NTNG1: variants seen among roughly 807,000 people sequenced by gnomAD.
NTNG1 encodes netrin G1, also known as netrin-G1.
NTNG1 carries 16 observed loss-of-function variants against 54.0 expected under a neutral mutation model. That is an observed-to-expected ratio of 0.30 (90% CI 0.20 to 0.45). The LOEUF (loss-of-function observed/expected upper bound fraction) is 0.45, where lower values mean the gene tolerates loss of function less well. Ranked by LOEUF, NTNG1 falls within the 20% of genes least tolerant of loss-of-function variation. NTNG1 has a pLI of 1.00. For synonymous variants in NTNG1, 255 were observed against 263.1 expected, an observed-to-expected ratio of 0.97 and a Z score of 0.30; for missense variants, 530 against 678.7, an observed-to-expected ratio of 0.78 and a Z score of 2.43.
At chr1:107,455,081 G>A (rs1206232494) in intron 7 of NTNG1, among the ~76,000 whole-genome samples, 3 of 144,398 alleles carry the variant, frequency 2.1e-5, no homozygotes, top group South Asian at 2.2e-4. Flanking sequence ...TTTTTTTTCT[G>A]AGACTGAGAT....
At chr1:107,433,646 G>T (rs1359529470) in intron 6 of NTNG1, among the ~76,000 whole-genome samples, 1 of 152,180 alleles carries the variant, frequency 6.6e-6, no homozygotes, top group African/African-American at 2.4e-5. Context: ...AGAAAATTGT[G>T]TTTCAAGAAT....
chr1:107,338,238 G>T (rs1668699237), intron 3 of NTNG1, among the ~76,000 whole-genome samples: 1 of 151,980 alleles, frequency 6.6e-6, no homozygotes, highest in African/African-American at 2.4e-5. Flanking sequence ...TGAAAAGTAG[G>T]TTTTAATAAT....
chr1:107,152,815 A>G (rs1451778851), intron 2 of NTNG1, among the ~76,000 whole-genome samples: 3 of 152,220 alleles, frequency 2.0e-5, no homozygotes, highest in Admixed American at 6.5e-5. Flanking sequence ...AAGTAGACTC[A>G]TATTACTAAA....
At chr1:107,448,748 A>T (rs504161) in intron 7 of NTNG1, among the ~76,000 whole-genome samples, 147,062 of 152,150 alleles carry the variant, frequency 0.97, 71,255 homozygotes, top group East Asian at 1. Flanking sequence ...CAGGAACTCA[A>T]ATAGTATCTC....
chr1:107,323,641 C>T (rs762134394), intron 2 of NTNG1, among the ~76,000 whole-genome samples: 1 of 152,086 alleles, frequency 6.6e-6, no homozygotes, highest in Non-Finnish European at 1.5e-5. Flanking sequence ...ACCTAATAGG[C>T]TGGCAGGTAT....
intron 7 of NTNG1, among the ~76,000 whole-genome samples, chr1:107,472,965 C>T (rs958790708): frequency 1.3e-5 from 2 of 152,136 alleles, no homozygotes; most frequent in Non-Finnish European, 2.9e-5. Flanking sequence ...CACACAGTCT[C>T]GAATGCCTAA....
At chr1:107,393,764 T>C (rs2101083387) in intron 3 of NTNG1, among the ~76,000 whole-genome samples, 1 of 152,078 alleles carries the variant, frequency 6.6e-6, no homozygotes, top group Middle Eastern at 3.4e-3. Flanking sequence ...TATGGGTCAG[T>C]GTTCCAGAAA....
chr1:107,305,618 T>C (rs1666647127), intron 2 of NTNG1, among the ~76,000 whole-genome samples: 1 of 152,224 alleles, frequency 6.6e-6, no homozygotes. Context: ...TTAAGTTCTT[T>C]GTAAATTCTA....
chr1:107,146,830 T>C (rs974671294), intron 1 of NTNG1, among the ~76,000 whole-genome samples: 3 of 152,054 alleles, frequency 2.0e-5, no homozygotes, highest in African/African-American at 7.2e-5. Flanking sequence ...TGTGGCTTAG[T>C]TCATTTTAAG....
At chr1:107,425,199 T>A (rs891765809) in intron 5 of NTNG1, among the ~76,000 whole-genome samples, 2 of 151,818 alleles carry the variant, frequency 1.3e-5, no homozygotes, top group African/African-American at 4.8e-5. Flanking sequence ...AAAAAAAAAA[T>A]TAGATTCAGG....
intron 2 of NTNG1, among the ~76,000 whole-genome samples, chr1:107,166,910 C>A (rs1655838725): frequency 6.6e-6 from 1 of 151,976 alleles, no homozygotes; most frequent in Non-Finnish European, 1.5e-5. Flanking sequence ...CATTAAGTAC[C>A]ATGGGTTTAA....
At chr1:107,418,180 A>T (rs1674342104) in intron 5 of NTNG1, among the ~76,000 whole-genome samples, 2 of 152,076 alleles carry the variant, frequency 1.3e-5, no homozygotes, top group Admixed American at 1.3e-4. Flanking sequence ...CAACCAGTTC[A>T]TATCTGTAAA....
At chr1:107,438,092 A>C (rs1251727619) in intron 7 of NTNG1, among the ~76,000 whole-genome samples, 1 of 114,282 alleles carries the variant, frequency 8.8e-6, no homozygotes, top group African/African-American at 3.4e-5. Flanking sequence ...TCCAATTTCT[A>C]TACAATATTA....
At chr1:107,163,026 G>C (rs891580423) in intron 2 of NTNG1, among the ~76,000 whole-genome samples, 2 of 152,150 alleles carry the variant, frequency 1.3e-5, no homozygotes, top group African/African-American at 4.8e-5. Flanking sequence ...ACTGACAAGG[G>C]AGGTAGATCA....
intron 3 of NTNG1, among the ~76,000 whole-genome samples, chr1:107,343,770 A>G (rs1289774272): frequency 6.6e-6 from 1 of 152,068 alleles, no homozygotes; most frequent in Non-Finnish European, 1.5e-5. Context: ...TACTAAAAAC[A>G]TTTCTCTTTG....
chr1:107,254,698 C>T (rs1662818025), intron 2 of NTNG1, among the ~76,000 whole-genome samples: 2 of 152,092 alleles, frequency 1.3e-5, no homozygotes. Context: ...TAGAAGAGTA[C>T]TTTTGAAAGA....
At chr1:107,335,036 A>G (rs904289216) in intron 3 of NTNG1, among the ~76,000 whole-genome samples, 3 of 152,052 alleles carry the variant, frequency 2.0e-5, no homozygotes, top group African/African-American at 7.2e-5. Flanking sequence ...CTTAAAGAAT[A>G]AAATATATCT....
intron 2 of NTNG1, among the ~76,000 whole-genome samples, chr1:107,295,726 A>G (rs1319020850): frequency 2.0e-5 from 3 of 152,124 alleles, no homozygotes; most frequent in African/African-American, 7.2e-5. Flanking sequence ...GAAAGTATAT[A>G]TATATATACA....
At chr1:107,251,825 A>G (rs529068151) in intron 2 of NTNG1, among the ~76,000 whole-genome samples, 1 of 152,238 alleles carries the variant, frequency 6.6e-6, no homozygotes, top group South Asian at 2.1e-4. Context: ...TTTGTCCCTA[A>G]GCACATTAGT....
Sources: gnomAD v4.1 joint callset for allele counts (sites outside exome capture counted in the v4.1 genomes callset) on GRCh38, gnomAD v4.1.1 for gene constraint, MANE v1.5 for transcripts, NCBI Gene and HGNC (gene_info 2026-07-23, HGNC 2026-07-21) for gene names.